The following HIRA variants were observed in gnomAD, a reference collection of about 807,000 sequenced individuals.
The protein encoded by HIRA is protein HIRA.
HIRA carries 13 observed loss-of-function variants against 126.6 expected under a neutral mutation model. The observed-to-expected ratio is 0.10, with a 90% CI of 0.07 to 0.16. HIRA has a LOEUF of 0.16. Ranked by LOEUF, HIRA falls within the 10% of genes least tolerant of loss-of-function variation. The pLI, the probability that HIRA is intolerant of heterozygous loss-of-function variation, is 1.00. For synonymous variants in HIRA, 511 were observed against 520.0 expected (o/e 0.98, Z 0.24); for missense variants, 834 against 1,314.4 (o/e 0.63, Z 5.65).
chr22:19,419,390 G>A (rs923102013), intron 1 of HIRA, among the ~76,000 whole-genome samples: 1 of 152,086 alleles, frequency 6.6e-6, no homozygotes, highest in Admixed American at 6.5e-5. Flanking sequence ...TGTACCAGGT[G>A]CGCTCCTATC....
chr22:19,418,702 A>AACCT (rs2089419837), intron 1 of HIRA, among the ~76,000 whole-genome samples: 2 of 152,224 alleles, frequency 1.3e-5, no homozygotes, highest in Admixed American at 6.5e-5. Flanking sequence ...TAGATACATG[A>AACCT]ACCTGCACAG....
chr22:19,405,686 C>G, intron 5 of HIRA, 100 bp downstream of exon 5: 1 of 968,336 alleles, frequency 1.0e-6, no homozygotes, highest in Non-Finnish European at 1.4e-6. Flanking sequence ...AGACATAGGG[C>G]TGCTTTAAGG....
At chr22:19,378,403 C>A (rs957515912) in intron 13 of HIRA, among the ~76,000 whole-genome samples, 14 of 152,234 alleles carry the variant, frequency 9.2e-5, no homozygotes, top group Admixed American at 9.2e-4. Context: ...ACAGAAAGGG[C>A]CTCCCTTTCA....
At chr22:19,343,874 G>T (rs938888966) in intron 24 of HIRA, among the ~76,000 whole-genome samples, 2 of 88,856 alleles carry the variant, frequency 2.3e-5, no homozygotes, top group Non-Finnish European at 4.8e-5. Context: ...CACAGTGAGG[G>T]GAAAAAAAAA....
At chr22:19,379,481 C>T (rs549071386) in intron 13 of HIRA, among the ~76,000 whole-genome samples, 43 of 150,654 alleles carry the variant, frequency 2.9e-4, no homozygotes, top group South Asian at 1.3e-3. Context: ...AAAAATTAGC[C>T]GGGCATGGTG....
At chr22:19,354,592 G>C (rs183456589) in intron 21 of HIRA, among the ~76,000 whole-genome samples, 52 of 152,280 alleles carry the variant, frequency 3.4e-4, no homozygotes, top group Admixed American at 1.0e-3. Context: ...TCATCCTTGT[G>C]AAGAAGACTC....
intron 1 of HIRA, among the ~76,000 whole-genome samples, chr22:19,420,555 G>T (rs1776787792): frequency 6.6e-6 from 1 of 151,078 alleles, no homozygotes; most frequent in African/African-American, 2.4e-5. Context: ...AGGCATTTCT[G>T]TTTCTTAATA....
chr22:19,404,352 G>C (rs1238786365), intron 5 of HIRA, among the ~76,000 whole-genome samples: 1 of 152,168 alleles, frequency 6.6e-6, no homozygotes, highest in Non-Finnish European at 1.5e-5. Context: ...TTAGGGCCTT[G>C]TAAAAGTCCT....
chr22:19,430,189 G>A (rs1317017469), intron 1 of HIRA: 1 of 152,096 alleles, frequency 6.6e-6, no homozygotes, highest in Non-Finnish European at 1.5e-5. Flanking sequence ...TACCCTGGGG[G>A]CATATGGAAA....
At chr22:19,350,154 C>T (rs1208995727) in intron 24 of HIRA, among the ~76,000 whole-genome samples, 1 of 151,990 alleles carries the variant, frequency 6.6e-6, no homozygotes, top group Non-Finnish European at 1.5e-5. Context: ...ATTTTTTTCC[C>T]ATGGCATCCA....
At chr22:19,396,690 T>A (rs2089227186) in intron 7 of HIRA, 97 bp downstream of exon 7, 2 of 1,272,532 alleles carry the variant, frequency 1.6e-6, no homozygotes, top group South Asian at 2.7e-5. Flanking sequence ...ATTCCCCAGG[T>A]GGCCTGGCCC....
intron 19 of HIRA, 97 bp from the exon 20 acceptor site, chr22:19,356,385 C>G: frequency 9.6e-7 from 1 of 1,044,918 alleles, no homozygotes; most frequent in Non-Finnish European, 1.5e-6. Context: ...CTGCATGCGA[C>G]CCTAACCCTG....
intron 13 of HIRA, among the ~76,000 whole-genome samples, chr22:19,378,766 T>A (rs1382184751): frequency 6.6e-6 from 1 of 152,220 alleles, no homozygotes; most frequent in Non-Finnish European, 1.5e-5. Flanking sequence ...CTAATAATTG[T>A]CATTACACCT....
At chr22:19,390,987 C>G (rs2089176072) in intron 9 of HIRA, among the ~76,000 whole-genome samples, 1 of 151,528 alleles carries the variant, frequency 6.6e-6, no homozygotes, top group South Asian at 2.1e-4. Context: ...TAGAACTCTA[C>G]TCATAGGTAT....
chr22:19,341,497 T>C lies in HIRA; in HGVS notation c.2937+9861A>G, dbSNP rs190204522. Among the ~76,000 whole-genome samples, 699 of 138,602 alleles carry C rather than the reference T, an allele frequency of 5.0e-3. 7 individuals carry two copies. The highest frequency in any genetic ancestry group is 7.6e-3 in the Non-Finnish European group (490 of 64,382). The allele number at this position is 138,602 out of a possible 152,430, so 90.9% of individuals were successfully genotyped here. Reference sequence around the variant, plus strand: ...ATCATATGGAACAAAAGAGCCCAAATAGCCAAAGCAAGATAAAGCTGGAGG... The same window carrying C: ...ATCATATGGAACAAAAGAGCCCAAACAGCCAAAGCAAGATAAAGCTGGAGG... On this transcript the variant is annotated intron_variant, in intron 24 of 24. Coordinates refer to ENST00000263208, the MANE Select transcript of HIRA (RefSeq NM_003325.4).
chr22:19,357,333 A>G (rs973204174), intron 18 of HIRA, among the ~76,000 whole-genome samples: 4 of 152,144 alleles, frequency 2.6e-5, no homozygotes, highest in African/African-American at 9.7e-5. Context: ...GGCTTTGGAG[A>G]GCCAATGCCT....
At chr22:19,382,014 G>C (rs961617859) in intron 13 of HIRA, among the ~76,000 whole-genome samples, 2 of 152,118 alleles carry the variant, frequency 1.3e-5, no homozygotes, top group African/African-American at 4.8e-5. Context: ...TATTTGCACA[G>C]AGTTCAGCAA....
chr22:19,358,572 A>C (rs1961598316), intron 18 of HIRA, among the ~76,000 whole-genome samples: 1 of 152,170 alleles, frequency 6.6e-6, no homozygotes, highest in Admixed American at 6.5e-5. Flanking sequence ...TGAGGGAGGA[A>C]CAGAACAAAC....
chr22:19,422,193 C>CACACACACACACAT (rs147313860), intron 1 of HIRA, among the ~76,000 whole-genome samples: 28 of 145,624 alleles, frequency 1.9e-4, no homozygotes, highest in Admixed American at 2.8e-4. Context: ...CACACACACA[C>CACACACACACACAT]ATACACATAT....
Sources: allele counts gnomAD v4.1 joint callset (sites outside exome capture counted in the v4.1 genomes callset), GRCh38; gene constraint gnomAD v4.1.1; transcripts MANE v1.5; gene names NCBI Gene and HGNC (gene_info 2026-07-23, HGNC 2026-07-21).